The following MCF2L2 variants were observed in gnomAD, a reference collection of about 807,000 sequenced individuals.
The protein encoded by MCF2L2 is probable guanine nucleotide exchange factor MCF2L2.
In MCF2L2, 102 loss-of-function variants were observed where a neutral mutation model predicts 150.2. That is an observed-to-expected ratio of 0.68 (90% CI 0.58 to 0.80). The LOEUF (loss-of-function observed/expected upper bound fraction) is 0.80, where lower values mean the gene tolerates loss of function less well. Ranked by LOEUF, MCF2L2 falls within the 30% of genes least tolerant of loss-of-function variation. The pLI, the probability that MCF2L2 is intolerant of heterozygous loss-of-function variation, is 0.00. For synonymous variants in MCF2L2, 465 were observed against 491.3 expected (o/e 0.95, Z 0.71); for missense variants, 1,256 against 1,372.8 (o/e 0.91, Z 1.34).
At chr3:183,191,396 T>C (rs1300134039) in intron 27 of MCF2L2, among the ~76,000 whole-genome samples, 1 of 152,192 alleles carries the variant, frequency 6.6e-6, no homozygotes, top group African/African-American at 2.4e-5. Flanking sequence ...TGTTGTACAT[T>C]CCTTGGATCT....
chr3:183,362,529 TGAAAA>T (rs138037973), intron 3 of MCF2L2, among the ~76,000 whole-genome samples: 6,327 of 145,810 alleles, frequency 0.043, 367 homozygotes, highest in African/African-American at 0.13. Context: ...GGAGAGAAAA[TGAAAA>T]GAAAAGCAAG....
intron 3 of MCF2L2, among the ~76,000 whole-genome samples, chr3:183,351,213 TATATATATATATATATA>T (rs1560034906): frequency 1.2e-5 from 1 of 83,664 alleles, no homozygotes; most frequent in East Asian, 4.4e-4. Context: ...TATATATATA[TATATATATATATATATA>T]TATATATTTA....
At chr3:183,248,322 T>A (rs773193808) in intron 15 of MCF2L2, among the ~76,000 whole-genome samples, 4 of 152,044 alleles carry the variant, frequency 2.6e-5, no homozygotes, top group African/African-American at 4.8e-5. Flanking sequence ...ATCATAGACT[T>A]TAGAATTGGC....
At chr3:183,206,349 C>A in intron 23 of MCF2L2, 135 bp from the exon 24 acceptor site, 1 of 666,550 alleles carries the variant, frequency 1.5e-6, no homozygotes. Flanking sequence ...TTGCTTTCCT[C>A]TCTTAATGAC....
intron 10 of MCF2L2, among the ~76,000 whole-genome samples, chr3:183,301,803 A>C (rs566029666): frequency 0.028 from 4,232 of 151,926 alleles, 218 homozygotes; most frequent in African/African-American, 0.094. Context: ...CAAAAAAAAA[A>C]AAAAAAGAGA....
chr3:183,324,628 G>C (rs556245379), intron 5 of MCF2L2, among the ~76,000 whole-genome samples: 2 of 152,098 alleles, frequency 1.3e-5, no homozygotes, highest in African/African-American at 4.8e-5. Context: ...AGCTACTCAG[G>C]AGGCTGAGGC....
chr3:183,403,863 A>C (rs1254658146), intron 1 of MCF2L2, among the ~76,000 whole-genome samples: 1 of 152,228 alleles, frequency 6.6e-6, no homozygotes, highest in Non-Finnish European at 1.5e-5. Context: ...TTTTAAGATG[A>C]GAGGTAACAT....
In MCF2L2 at chr3:183,311,723, A is replaced by C. The variant is rs1187012088; in HGVS notation, c.803T>G (p.Ile268Ser). 4.3e-6 allele frequency: 7 copies of C among 1,614,100 alleles called. No individual in the cohort carries two copies. Among genetic ancestry groups the C allele is most frequent in the Non-Finnish European group, 5.9e-6 (7 of 1,179,952 alleles). ...GGGACATTTGGTTGCTGGTTCTTGG[A>C]TGCATGACAGCAATGTGGTCCCCTG... Reference protein sequence around the residue: ...GKQGTTLLSCIQEPATKCPNS... With the variant: ...GKQGTTLLSCSQEPATKCPNS... Residue 268 changes from isoleucine (I) to serine (S), a missense_variant, in exon 8 of 30, where the codon ATC becomes AGC. By Grantham distance (142) the Ile-to-Ser change is moderately radical. Transcript: ENST00000328913.
chr3:183,315,665 G>A (rs982891099), intron 7 of MCF2L2, among the ~76,000 whole-genome samples: 2 of 152,278 alleles, frequency 1.3e-5, no homozygotes. Context: ...CATGCATAAG[G>A]AAATCCTCTT....
At position 183,283,727 on chromosome 3, in the gene MCF2L2, G is replaced by C. The variant is rs887043896; in HGVS notation, c.1776+5393C>G. Among the ~76,000 whole-genome samples, 1 of 152,008 alleles carries C rather than the reference G, an allele frequency of 6.6e-6. No individual in the cohort carries two copies. On this transcript the variant is annotated intron_variant, in intron 14 of 29. Transcript: ENST00000328913. The surrounding 1 kb of genome is among the most constrained non-coding windows in gnomAD (Gnocchi z 4.2). Reference sequence around the variant, plus strand: ...AGTAGAGACGAGGTTTCACCATGTTGGTCAGTCTGGTCTTGAACTCCTGAA... The same window carrying C: ...AGTAGAGACGAGGTTTCACCATGTTCGTCAGTCTGGTCTTGAACTCCTGAA...
chr3:183,193,547 C>T (rs1394466775), intron 26 of MCF2L2, among the ~76,000 whole-genome samples: 2 of 152,112 alleles, frequency 1.3e-5, no homozygotes, highest in Admixed American at 6.5e-5. Context: ...GACGAGGTTT[C>T]ACCATGTTGG....
chr3:183,253,409 G>A (rs186051455), intron 15 of MCF2L2: 1 of 152,394 alleles, frequency 6.6e-6, no homozygotes, highest in Non-Finnish European at 1.5e-5. Flanking sequence ...GACATTTAAA[G>A]AGCTGGGCTT....
At chr3:183,276,296 A>G (rs1727150620) in intron 15 of MCF2L2, among the ~76,000 whole-genome samples, 1 of 152,252 alleles carries the variant, frequency 6.6e-6, no homozygotes, top group Non-Finnish European at 1.5e-5. Flanking sequence ...AGAGTCAAGC[A>G]TTATGATAGA....
chr3:183,317,777 G>A (rs937341419), intron 7 of MCF2L2, among the ~76,000 whole-genome samples: 4 of 152,104 alleles, frequency 2.6e-5, no homozygotes, highest in African/African-American at 9.7e-5. Context: ...CCCGGACAAA[G>A]CTGGAAAAGC....
intron 4 of MCF2L2, among the ~76,000 whole-genome samples, chr3:183,339,796 C>A (rs1158986007): frequency 4.5e-4 from 68 of 151,992 alleles, no homozygotes; most frequent in Non-Finnish European, 2.9e-5. Flanking sequence ...TTACTCCAGA[C>A]TATTTTGATT....
intron 1 of MCF2L2, chr3:183,400,623 G>C: frequency 2.8e-6 from 1 of 352,276 alleles, no homozygotes; most frequent in South Asian, 2.1e-5. Context: ...TCGTGGCCGA[G>C]AGTTGATCCT....
chr3:183,257,099 G>T (rs898746501), intron 15 of MCF2L2, among the ~76,000 whole-genome samples: 1 of 152,092 alleles, frequency 6.6e-6, no homozygotes, highest in Admixed American at 6.5e-5. Context: ...ACCCATCCTG[G>T]TAAAGCTACA....
intron 13 of MCF2L2, among the ~76,000 whole-genome samples, chr3:183,291,552 CAA>C (rs1265762670): frequency 6.6e-6 from 1 of 152,254 alleles, no homozygotes; most frequent in African/African-American, 2.4e-5. Flanking sequence ...ATCCAGCTAA[CAA>C]GAGTCAGAGC....
intron 1 of MCF2L2, among the ~76,000 whole-genome samples, chr3:183,402,312 G>A (rs1240677828): frequency 6.6e-6 from 1 of 151,834 alleles, no homozygotes; most frequent in Non-Finnish European, 1.5e-5. Flanking sequence ...CGGGCGTGGT[G>A]GGTTTTTCCC....
Sources: gnomAD v4.1 joint callset for allele counts (sites outside exome capture counted in the v4.1 genomes callset) on GRCh38, gnomAD v4.1.1 for gene constraint, Gnocchi (gnomAD v3.1) non-coding constraint, MANE v1.5 for transcripts, NCBI Gene and HGNC (gene_info 2026-07-23, HGNC 2026-07-21) for gene names.